Variants in PPM1H observed in about 807,000 individuals in gnomAD.
PPM1H encodes the protein protein phosphatase, Mg2+/Mn2+ dependent 1H.
A neutral mutation model predicts 54.9 loss-of-function variants in PPM1H; 27 were observed. The observed-to-expected ratio is 0.49, with a 90% CI of 0.36 to 0.68. The LOEUF (loss-of-function observed/expected upper bound fraction) is 0.68. PPM1H is among the 30% of genes least tolerant of loss of function. The pLI is 0.00. For synonymous variants in PPM1H, 305 were observed against 270.8 expected (o/e 1.13, Z -1.24); for missense variants, 596 against 667.8 (o/e 0.89, Z 1.19).
intron 9 of PPM1H, among the ~76,000 whole-genome samples, chr12:62,656,112 C>A (rs1357214536): frequency 1.3e-5 from 2 of 152,204 alleles, no homozygotes; most frequent in Non-Finnish European, 2.9e-5. Flanking sequence ...GCCATAAATC[C>A]TCGATTGTCC....
At chr12:62,689,872 C>T in intron 7 of PPM1H, 66 bp from the exon 8 acceptor site, 3 of 1,130,394 alleles carry the variant, frequency 2.7e-6, no homozygotes, top group South Asian at 1.4e-5. Flanking sequence ...TCCAGTGCAG[C>T]TGCCTGGGCT....
intron 4 of PPM1H, among the ~76,000 whole-genome samples, chr12:62,778,488 G>A (rs1196769059): frequency 6.6e-6 from 1 of 152,174 alleles, no homozygotes; most frequent in Non-Finnish European, 1.5e-5. Flanking sequence ...CTCACTGGAT[G>A]GAGATGCCTC....
chr12:62,770,121 A>G (rs2076569828), intron 4 of PPM1H, among the ~76,000 whole-genome samples: 1 of 145,478 alleles, frequency 6.9e-6, no homozygotes, highest in African/African-American at 2.6e-5. Context: ...TGGGGTCCCT[A>G]GTTTTTATTT....
At position 62,658,182 on chromosome 12, in the gene PPM1H, ATTTTTTT is replaced by A. The variant is rs1173229360; in HGVS notation, c.1397+8989_1397+8995del. 3.1e-3 allele frequency among the ~76,000 whole-genome samples: 275 copies of A among 87,526 alleles called. 2 individuals carry two copies. The highest frequency in any genetic ancestry group is 0.03 in the East Asian group (87 of 2,904). 57.4% of individuals were successfully genotyped at this position (87,526 alleles called of 152,430 possible). A position where few individuals can be genotyped will look rare whatever the true frequency, so the allele number is the denominator to read the frequency against. On this transcript the variant is annotated intron_variant, in intron 9 of 9. Transcript: ENST00000228705. ...GAGACCAGCCTGGGTAACACGGTGAATTTTTTTTTTTTTTTTTTTTTTTTTTTTTTAA... is the reference window on the plus strand; with the variant it reads ...GAGACCAGCCTGGGTAACACGGTGAATTTTTTTTTTTTTTTTTTTTTTTAA...
At chr12:62,759,480 G>A (rs2076494303) in intron 4 of PPM1H, among the ~76,000 whole-genome samples, 1 of 152,166 alleles carries the variant, frequency 6.6e-6, no homozygotes, top group South Asian at 2.1e-4. Flanking sequence ...TTATCTGGTA[G>A]AGACAAAGGA....
chr12:62,883,031 T>C (rs1475574709), intron 1 of PPM1H, among the ~76,000 whole-genome samples: 1 of 152,196 alleles, frequency 6.6e-6, no homozygotes, highest in Non-Finnish European at 1.5e-5. Flanking sequence ...CTGTAGTATA[T>C]TTATTTATTT....
At chr12:62,747,186 G>A (rs566867751) in intron 4 of PPM1H, among the ~76,000 whole-genome samples, 2 of 150,820 alleles carry the variant, frequency 1.3e-5, no homozygotes, top group Non-Finnish European at 2.9e-5. Context: ...TCCCAGGCTC[G>A]AGTGCAATGG....
intron 2 of PPM1H, among the ~76,000 whole-genome samples, chr12:62,831,112 C>G (rs1868351216): frequency 6.6e-6 from 1 of 152,058 alleles, no homozygotes; most frequent in Non-Finnish European, 1.5e-5. Flanking sequence ...CTCGGCCTCC[C>G]AAAGTGCTGG....
At chr12:62,902,532 G>C (rs979628241) in intron 1 of PPM1H, among the ~76,000 whole-genome samples, 2 of 152,134 alleles carry the variant, frequency 1.3e-5, no homozygotes, top group African/African-American at 4.8e-5. Context: ...GCCTTCTTCA[G>C]CACAGCCTGA....
intron 1 of PPM1H, among the ~76,000 whole-genome samples, chr12:62,888,549 C>T (rs1178318678): frequency 1.3e-5 from 2 of 152,116 alleles, no homozygotes; most frequent in Admixed American, 6.6e-5. Context: ...AAACTATCGT[C>T]AGAGATGCCA....
intron 1 of PPM1H, among the ~76,000 whole-genome samples, chr12:62,871,294 C>A (rs1053032281): frequency 2.0e-5 from 3 of 147,454 alleles, no homozygotes; most frequent in African/African-American, 2.5e-5. Context: ...ACAAAAAAAA[C>A]GATGTTATAT....
At chr12:62,806,708 C>T (rs1484357902) in intron 2 of PPM1H, among the ~76,000 whole-genome samples, 2 of 152,190 alleles carry the variant, frequency 1.3e-5, no homozygotes, top group East Asian at 1.9e-4. Context: ...CCTTCCACCA[C>T]GACTGAACGT....
intron 1 of PPM1H, among the ~76,000 whole-genome samples, chr12:62,899,332 A>G (rs1157313535): frequency 6.6e-6 from 1 of 152,152 alleles, no homozygotes; most frequent in African/African-American, 2.4e-5. Flanking sequence ...GACACTTGGG[A>G]GGCCAAGGTG....
intron 8 of PPM1H, among the ~76,000 whole-genome samples, chr12:62,674,709 A>T (rs574052188): frequency 6.6e-6 from 1 of 152,370 alleles, no homozygotes; most frequent in Admixed American, 6.5e-5. Flanking sequence ...CACCAAAGGT[A>T]AATGGGATAC....
chr12:62,883,095 G>T (rs1666911), intron 1 of PPM1H, among the ~76,000 whole-genome samples: 1 of 151,960 alleles, frequency 6.6e-6, no homozygotes, highest in African/African-American at 2.4e-5. Context: ...AACTGTTTTT[G>T]CTAGCCCAGC....
At chr12:62,751,156 A>G (rs572314753) in intron 4 of PPM1H, among the ~76,000 whole-genome samples, 90 of 152,176 alleles carry the variant, frequency 5.9e-4, no homozygotes, top group Non-Finnish European at 1.2e-3. Flanking sequence ...ATGGCTCACT[A>G]TTTGTGTGCC....
intron 1 of PPM1H, among the ~76,000 whole-genome samples, chr12:62,897,905 G>T (rs1392191803): frequency 6.6e-6 from 1 of 152,152 alleles, no homozygotes; most frequent in Non-Finnish European, 1.5e-5. Flanking sequence ...GTGGGGAAAA[G>T]CCAGTCCATC....
chr12:62,711,484 C>T (rs761736311), intron 6 of PPM1H, among the ~76,000 whole-genome samples: 2 of 152,120 alleles, frequency 1.3e-5, no homozygotes, highest in Non-Finnish European at 2.9e-5. Flanking sequence ...GTCTACAGGG[C>T]CTTCTTGGTT....
intron 8 of PPM1H, among the ~76,000 whole-genome samples, chr12:62,683,677 AG>A (rs2076036111): frequency 6.6e-6 from 1 of 152,236 alleles, no homozygotes; most frequent in African/African-American, 2.4e-5. Context: ...TCAGTCTAGC[AG>A]GGGCGGAAAG....
Sources: gnomAD v4.1 joint callset for allele counts (sites outside exome capture counted in the v4.1 genomes callset) on GRCh38, gnomAD v4.1.1 for gene constraint, MANE v1.5 for transcripts, NCBI Gene and HGNC (gene_info 2026-07-23, HGNC 2026-07-21) for gene names.